DBX2: variants seen among roughly 807,000 people sequenced by gnomAD.
DBX2 encodes the protein homeobox protein DBX2.
A neutral mutation model predicts 17.7 loss-of-function variants in DBX2; 16 were observed. The ratio of observed to expected loss-of-function variants is 0.90; its 90% CI spans 0.61 to 1.37. The LOEUF (loss-of-function observed/expected upper bound fraction) is 1.37. Among genes scored for constraint, DBX2 ranks in the 40% most tolerant of loss-of-function variants. The pLI is 0.00. For synonymous variants in DBX2, 255 were observed against 183.8 expected (o/e 1.39, Z -3.13); for missense variants, 538 against 433.8 (o/e 1.24, Z -2.13).
At chr12:45,045,614 A>G (rs1195663657) in intron 1 of DBX2, among the ~76,000 whole-genome samples, 2 of 152,220 alleles carry the variant, frequency 1.3e-5, no homozygotes, top group East Asian at 3.9e-4. Context: ...CCCAAAGAGA[A>G]CTATCATGGA....
At chr12:45,035,224 C>T (rs1946433589) in intron 2 of DBX2, among the ~76,000 whole-genome samples, 1 of 152,250 alleles carries the variant, frequency 6.6e-6, no homozygotes, top group Admixed American at 6.5e-5. Flanking sequence ...TCACTTTTCA[C>T]CTGACAGAGC....
intron 1 of DBX2, among the ~76,000 whole-genome samples, chr12:45,049,282 C>T (rs537381128): frequency 1.8e-4 from 28 of 152,322 alleles, no homozygotes; most frequent in Admixed American, 5.2e-4. Context: ...TTTATTAACT[C>T]TCTTCCAAGT....
In DBX2 at chr12:45,015,145, A is replaced by G. The variant is rs1046404022; in HGVS notation, c.*1141T>C. 2 of 152,240 alleles carry G rather than the reference A, an allele frequency of 1.3e-5. No homozygotes were observed. Among genetic ancestry groups the G allele is most frequent in the African/African-American group, 4.8e-5 (2 of 41,470 alleles). The allele number at this position is 152,240 out of a possible 1,614,324, so 9.4% of individuals were successfully genotyped here. ...TGGATTAACTCAGCAAATCGTTACC[A>G]GAAATGCAATTTTAGAAAGATACAA... On this transcript the variant is annotated 3_prime_UTR_variant, in exon 4 of 4. Transcript: ENST00000332700.
chr12:45,036,939 T>C (rs1212541236), intron 1 of DBX2, among the ~76,000 whole-genome samples: 1 of 152,196 alleles, frequency 6.6e-6, no homozygotes, highest in Non-Finnish European at 1.5e-5. Flanking sequence ...AATCTATTCA[T>C]AAAGTTTTCA....
At chr12:45,041,057 A>C (rs2137030143) in intron 1 of DBX2, among the ~76,000 whole-genome samples, 1 of 149,740 alleles carries the variant, frequency 6.7e-6, no homozygotes, top group South Asian at 2.1e-4. Context: ...AAGAAAAAAA[A>C]AAAAACCTCT....
Position 45,023,857 on chromosome 12 carries a change from A to C in DBX2, c.537T>G (p.Ser179=). 6.3e-7 allele frequency: 1 copy of C among 1,596,274 alleles called. No homozygotes were observed. Among genetic ancestry groups the C allele is most frequent in the Non-Finnish European group, 8.5e-7 (1 of 1,172,770 alleles). ...ESMLPLLTQD[S]NSKARRGILR... Reference sequence around the variant, plus strand: ...AAATGCCCCTCCGAGCTTTGGAATTAGAGTCCTGTGTCAGGAGAGGCAGCA... The same window carrying C: ...AAATGCCCCTCCGAGCTTTGGAATTCGAGTCCTGTGTCAGGAGAGGCAGCA... Residue 179 remains serine (S), a synonymous_variant, in exon 3 of 4, where the codon TCT becomes TCG. Coordinates refer to ENST00000332700, the MANE Select transcript of DBX2 (RefSeq NM_001004329.3).
Position 45,050,462 on chromosome 12 carries a change from T to G in DBX2, c.403+63A>C, listed in dbSNP as rs946713845. ...AGTGCGCACCGCCGGCGCTCCCAGA[T>G]CCCTGGACCACCCGGCCTGGGGGCG... On this transcript the variant is annotated intron_variant, in intron 1 of 3. Transcript: ENST00000332700. 2.2e-5 allele frequency: 33 copies of G among 1,532,650 alleles called. No individual in the cohort carries two copies. In the Admixed American group the frequency reaches 2.4e-4, roughly 11 times the overall value. 94.9% of individuals were successfully genotyped at this position (1,532,650 alleles called of 1,614,324 possible).
chr12:45,041,041 G>A (rs114552403), intron 1 of DBX2, among the ~76,000 whole-genome samples: 1 of 147,812 alleles, frequency 6.8e-6, no homozygotes, highest in African/African-American at 2.5e-5. Context: ...GGCAACCACT[G>A]GGGGGAAGAA....
chr12:45,050,420 C>A, intron 1 of DBX2, 105 bp downstream of exon 1: 1 of 1,427,504 alleles, frequency 7.0e-7, no homozygotes, highest in Admixed American at 2.6e-5. Flanking sequence ...GTTCCCAAAC[C>A]GGCTCTCCCT....
chr12:45,043,394 T>C (rs768496597), intron 1 of DBX2, among the ~76,000 whole-genome samples: 1 of 152,132 alleles, frequency 6.6e-6, no homozygotes, highest in Non-Finnish European at 1.5e-5. Flanking sequence ...TGACCTAGTA[T>C]TGGAAGTATC....
At chr12:45,040,939 A>C (rs1404887859) in intron 1 of DBX2, among the ~76,000 whole-genome samples, 1 of 151,916 alleles carries the variant, frequency 6.6e-6, no homozygotes, top group African/African-American at 2.4e-5. Context: ...AATACTAAAG[A>C]CCACTAATAA....
chr12:45,034,930 G>A (rs1434051113), intron 2 of DBX2, among the ~76,000 whole-genome samples: 1 of 152,226 alleles, frequency 6.6e-6, no homozygotes, highest in Non-Finnish European at 1.5e-5. Flanking sequence ...GAGGTCGCGT[G>A]TGGATGAGTC....
intron 2 of DBX2, among the ~76,000 whole-genome samples, chr12:45,032,965 G>C (rs1358665099): frequency 6.6e-6 from 1 of 152,120 alleles, no homozygotes; most frequent in Admixed American, 6.6e-5. Flanking sequence ...AGAACCTTGC[G>C]GTTGTAATAT....
intron 1 of DBX2, among the ~76,000 whole-genome samples, chr12:45,043,548 T>C (rs1037445298): frequency 6.6e-6 from 1 of 152,154 alleles, no homozygotes; most frequent in Non-Finnish European, 1.5e-5. Context: ...ACAGCTCCAG[T>C]TGAGCAACCA....
At chr12:45,024,956 C>T (rs2137021044) in intron 2 of DBX2, among the ~76,000 whole-genome samples, 1 of 152,300 alleles carries the variant, frequency 6.6e-6, no homozygotes, top group African/African-American at 2.4e-5. Context: ...TTGTGCCTAG[C>T]ACAATACTGG....
intron 2 of DBX2, among the ~76,000 whole-genome samples, chr12:45,026,486 A>G (rs1946382201): frequency 6.6e-6 from 1 of 152,250 alleles, no homozygotes; most frequent in Non-Finnish European, 1.5e-5. Context: ...AGGAAGGTTA[A>G]GTAACTTTGT....
intron 1 of DBX2, among the ~76,000 whole-genome samples, chr12:45,044,883 C>T (rs1180092716): frequency 6.6e-6 from 1 of 151,778 alleles, no homozygotes; most frequent in Non-Finnish European, 1.5e-5. Context: ...CTCAGCATTG[C>T]CAAGTTAAGT....
At chr12:45,020,572 G>C (rs1680759251) in intron 3 of DBX2, among the ~76,000 whole-genome samples, 1 of 151,828 alleles carries the variant, frequency 6.6e-6, no homozygotes, top group Non-Finnish European at 1.5e-5. Flanking sequence ...TCTACTGCTA[G>C]ATCTGTGAGC....
chr12:45,047,224 C>T (rs1212846154), intron 1 of DBX2, among the ~76,000 whole-genome samples: 2 of 151,950 alleles, frequency 1.3e-5, no homozygotes, highest in Non-Finnish European at 2.9e-5. Flanking sequence ...TAATATTTTC[C>T]AAATATTGTC....
Sources: allele counts gnomAD v4.1 joint callset (sites outside exome capture counted in the v4.1 genomes callset), GRCh38; gene constraint gnomAD v4.1.1; transcripts MANE v1.5; gene names NCBI Gene and HGNC (gene_info 2026-07-23, HGNC 2026-07-21).